RNLS: variants seen among roughly 807,000 people sequenced by gnomAD.
RNLS encodes the protein renalase, FAD dependent amine oxidase, also known as renalase.
RNLS carries 39 observed loss-of-function variants against 39.8 expected under a neutral mutation model. The observed-to-expected ratio is 0.98, with a 90% CI of 0.76 to 1.28. The LOEUF (loss-of-function observed/expected upper bound fraction) is 1.28. Ranked by LOEUF, RNLS falls within the 50% of genes most tolerant of loss-of-function variation. The probability of loss-of-function intolerance (pLI) is 0.00; values close to 1 mark genes in which losing one functional copy is unlikely to be tolerated. For synonymous variants in RNLS, 147 were observed against 150.7 expected (o/e 0.98, Z 0.18); for missense variants, 410 against 413.3 (o/e 0.99, Z 0.07).
chr10:88,308,385 T>C (rs892509996), intron 6 of RNLS, among the ~76,000 whole-genome samples: 3 of 151,990 alleles, frequency 2.0e-5, no homozygotes, highest in Admixed American at 2.0e-4. Flanking sequence ...AAACTATGCA[T>C]CTGACAAAGG....
the RNLS span, among the ~76,000 whole-genome samples, chr10:88,233,482 G>T: frequency 6.6e-6 from 1 of 152,212 alleles, no homozygotes; most frequent in Non-Finnish European, 1.5e-5. Flanking sequence ...TCTCTTTACT[G>T]ACCTGACTTT....
chr10:88,305,976 ATCTC>A (rs1844886757), intron 6 of RNLS, among the ~76,000 whole-genome samples: 1 of 152,094 alleles, frequency 6.6e-6, no homozygotes, highest in Non-Finnish European at 1.5e-5. Context: ...ATAACAAACA[ATCTC>A]TCAGACCACA....
At chr10:88,246,916 A>G in the RNLS span, among the ~76,000 whole-genome samples, 2 of 152,224 alleles carry the variant, frequency 1.3e-5, no homozygotes, top group Non-Finnish European at 2.9e-5. Context: ...CACACAGGCT[A>G]ATCTGACATG....
intron 4 of RNLS, among the ~76,000 whole-genome samples, chr10:88,461,174 G>T (rs1200420276): frequency 1.3e-5 from 2 of 152,016 alleles, no homozygotes; most frequent in African/African-American, 4.8e-5. Context: ...GCCCTTGTTG[G>T]ATACTGAACT....
chr10:88,449,724 CAATT>C (rs1449366765), intron 4 of RNLS, among the ~76,000 whole-genome samples: 1 of 151,934 alleles, frequency 6.6e-6, no homozygotes, highest in East Asian at 1.9e-4. Context: ...CATTAGAGGA[CAATT>C]AAAAAATGCA....
At chr10:88,568,056 A>G (rs1360866645) in intron 4 of RNLS, among the ~76,000 whole-genome samples, 1 of 152,184 alleles carries the variant, frequency 6.6e-6, no homozygotes, top group Non-Finnish European at 1.5e-5. Context: ...ACCCTCTACA[A>G]TTCAATGACT....
chr10:88,348,134 G>C (rs1267065326), intron 5 of RNLS, among the ~76,000 whole-genome samples: 1 of 152,058 alleles, frequency 6.6e-6, no homozygotes, highest in East Asian at 1.9e-4. Context: ...TCTCTTTACA[G>C]AGCCAACACA....
At chr10:88,326,975 TG>T (rs1361988395) in intron 5 of RNLS, among the ~76,000 whole-genome samples, 2 of 152,216 alleles carry the variant, frequency 1.3e-5, no homozygotes, top group Non-Finnish European at 2.9e-5. Context: ...TAGACTTGCA[TG>T]GGGACTGTAA....
the RNLS span, among the ~76,000 whole-genome samples, chr10:88,237,246 C>T: frequency 9.5e-5 from 13 of 137,056 alleles, no homozygotes; most frequent in East Asian, 2.8e-3. Flanking sequence ...CCCTCCCTTC[C>T]TTCCTTCCCT....
intron 4 of RNLS, among the ~76,000 whole-genome samples, chr10:88,488,775 A>C (rs998919257): frequency 6.6e-6 from 1 of 152,216 alleles, no homozygotes. Flanking sequence ...GTTATTATGT[A>C]AAAGCGGAAA....
At chr10:88,275,941 C>T (rs898301018) in intron 6 of RNLS, among the ~76,000 whole-genome samples, 2 of 152,064 alleles carry the variant, frequency 1.3e-5, no homozygotes, top group African/African-American at 2.4e-5. Flanking sequence ...GTAGTCCCAG[C>T]TATTCGGGAG....
the RNLS span, among the ~76,000 whole-genome samples, chr10:88,211,099 G>C: frequency 6.6e-6 from 1 of 151,912 alleles, no homozygotes; most frequent in African/African-American, 2.4e-5. Context: ...CTCCAAATTT[G>C]CCTCCCCATA....
the RNLS span, among the ~76,000 whole-genome samples, chr10:88,207,919 T>C: frequency 2.0e-5 from 3 of 152,168 alleles, no homozygotes; most frequent in African/African-American, 4.8e-5. Flanking sequence ...GCTTTTGAGA[T>C]TGATGTCTTC....
chr10:88,235,845 T>G, the RNLS span, among the ~76,000 whole-genome samples: 2 of 152,154 alleles, frequency 1.3e-5, no homozygotes, highest in African/African-American at 4.8e-5. Context: ...TTTTTGTTTT[T>G]TTTTGAGACA....
At chr10:88,491,507 T>C (rs1844876553) in intron 4 of RNLS, among the ~76,000 whole-genome samples, 1 of 152,146 alleles carries the variant, frequency 6.6e-6, no homozygotes, top group South Asian at 2.1e-4. Flanking sequence ...GGATATATGT[T>C]TCTGAGTGCC....
the RNLS span, among the ~76,000 whole-genome samples, chr10:88,200,184 C>T: frequency 6.6e-6 from 1 of 152,150 alleles, no homozygotes; most frequent in East Asian, 1.9e-4. Flanking sequence ...GTGAGGGACT[C>T]CTGAAGAATA....
At chr10:88,470,439 C>A (rs1297644242) in intron 4 of RNLS, among the ~76,000 whole-genome samples, 4 of 152,118 alleles carry the variant, frequency 2.6e-5, no homozygotes, top group Non-Finnish European at 4.4e-5. Flanking sequence ...TGCATGAGGG[C>A]AGCCAAGTTA....
chr10:88,288,658 T>C (rs913772838), intron 6 of RNLS, among the ~76,000 whole-genome samples: 2 of 152,138 alleles, frequency 1.3e-5, no homozygotes, highest in African/African-American at 2.4e-5. Context: ...TGCCCAGTCA[T>C]GAGGTGGTAA....
At chr10:88,575,881 T>C (rs1388602239) in intron 3 of RNLS, among the ~76,000 whole-genome samples, 3 of 152,190 alleles carry the variant, frequency 2.0e-5, no homozygotes, top group Non-Finnish European at 2.9e-5. Flanking sequence ...CATCATCTTT[T>C]ACCATTTTCT....
Sources: allele counts gnomAD v4.1 joint callset (sites outside exome capture counted in the v4.1 genomes callset), GRCh38; gene constraint gnomAD v4.1.1; transcripts MANE v1.5; gene names NCBI Gene and HGNC (gene_info 2026-07-23, HGNC 2026-07-21).